Variants in SFXN4 observed in about 807,000 individuals in gnomAD.
SFXN4 encodes the protein sideroflexin-4.
A neutral mutation model predicts 54.6 loss-of-function variants in SFXN4; 48 were observed. That is an observed-to-expected ratio of 0.88 (90% confidence interval 0.70 to 1.12). The LOEUF (loss-of-function observed/expected upper bound fraction) is 1.12, where lower values mean the gene tolerates loss of function less well. SFXN4 is among the 50% of genes most tolerant of loss of function. SFXN4 has a pLI of 0.00. For missense variants in SFXN4, 383 were observed against 409.2 expected (o/e 0.94, Z 0.55); for synonymous variants, 130 against 145.5 (o/e 0.89, Z 0.77).
intron 12 of SFXN4, 111 bp from the exon 13 acceptor site, chr10:119,146,464 CGTGT>C (rs33947324): frequency 2.1e-6 from 1 of 486,526 alleles, no homozygotes; most frequent in Non-Finnish European, 3.7e-6. Flanking sequence ...TGTGTGTGCA[CGTGT>C]GTGTGTACCT....
chr10:119,162,517 C>T (rs979840363), intron 2 of SFXN4, 103 bp from the exon 3 acceptor site: 13 of 865,940 alleles, frequency 1.5e-5, no homozygotes, highest in East Asian at 1.0e-4. Context: ...CACTGGACTT[C>T]GACTGCATGC....
chr10:119,165,643 G>A lies in SFXN4; in HGVS notation c.5C>T (p.Ser2Phe), dbSNP rs1266034196. 1.3e-6 allele frequency: 2 copies of A among 1,586,130 alleles called. No homozygotes were observed. Among genetic ancestry groups the A allele is most frequent in the African/African-American group, 1.4e-5 (1 of 71,602 alleles). ...TTGCGTTTCCTCCTCCTGTTCCAGG[G>A]ACATTTTGCGCTGGTTAGAGTGGCC... M[S>F]LEQEEETQPG... Residue 2 changes from serine to phenylalanine, a missense_variant, in exon 1 of 14, where the codon TCC becomes TTC. Ser to Phe is a radical substitution (Grantham distance 155). Coordinates refer to ENST00000355697, the MANE Select transcript of SFXN4 (RefSeq NM_213649.2).
At chr10:119,155,382 T>G (rs1035074576) in intron 10 of SFXN4, among the ~76,000 whole-genome samples, 8 of 152,224 alleles carry the variant, frequency 5.3e-5, no homozygotes, top group African/African-American at 1.7e-4. Flanking sequence ...TGCTGGCCAC[T>G]CAGTCTTGGA....
chr10:119,158,103 TGGA>T, intron 6 of SFXN4, 41 bp from the exon 7 acceptor site: 3 of 1,593,034 alleles, frequency 1.9e-6, no homozygotes, highest in Non-Finnish European at 2.6e-6. Context: ...AGTGTTGCTG[TGGA>T]AGGAGAACTT....
Position 119,147,790 on chromosome 10 carries a change from G to C in SFXN4, c.803C>G (p.Thr268Ser). The C allele has an allele frequency of 6.2e-7, 1 of 1,613,964 alleles. No individual in the cohort carries two copies. Among genetic ancestry groups the C allele is most frequent in the Middle Eastern group, 1.6e-4 (1 of 6,062 alleles). ...TGTCTCTTACCTTTTAAAAAAGTAGGTGAAGACTTCAGGAATCAGAGCTGA... is the reference window on the plus strand; with the variant it reads ...TGTCTCTTACCTTTTAAAAAAGTAGCTGAAGACTTCAGGAATCAGAGCTGA... ...GTSALIPEVF[T>S]YFFKRTQYFR... The change falls in exon 12 of 14, where the codon ACC (threonine) becomes AGC (serine). Residue 268 changes from threonine (T) to serine (S), a missense_variant. Thr to Ser is a moderately conservative substitution (Grantham distance 58, BLOSUM62 1). Transcript: ENST00000355697.
Position 119,155,185 on chromosome 10 carries a change from T to C in SFXN4, c.617-8A>G. 6.3e-7 allele frequency: 1 copy of C among 1,591,118 alleles called. No individual in the cohort carries two copies. Among genetic ancestry groups the C allele is most frequent in the Non-Finnish European group, 8.6e-7 (1 of 1,159,194 alleles). On this transcript the variant is annotated splice_region_variant and splice_polypyrimidine_tract_variant and intron_variant, in intron 10 of 13. Transcript: ENST00000355697. ...TCATTCCACTGGCTTGCACTGTAGATGTAAAGAAGTAAAGAACACCCAAGA... is the reference window on the plus strand; with the variant it reads ...TCATTCCACTGGCTTGCACTGTAGACGTAAAGAAGTAAAGAACACCCAAGA...
intron 5 of SFXN4, among the ~76,000 whole-genome samples, chr10:119,160,033 G>A (rs1847456139): frequency 6.6e-6 from 1 of 151,950 alleles, no homozygotes; most frequent in Admixed American, 6.6e-5. Flanking sequence ...AAAATTTAAA[G>A]CCAGGTGTGG....
chr10:119,150,769 T>C (rs778215092), intron 11 of SFXN4, among the ~76,000 whole-genome samples: 5 of 152,154 alleles, frequency 3.3e-5, no homozygotes, highest in Non-Finnish European at 7.3e-5. Flanking sequence ...ACACCTTAAG[T>C]TCACATGGAG....
chr10:119,165,678 A>C lies in SFXN4; in HGVS notation c.-31T>G, dbSNP rs780298679. Reference sequence around the variant, plus strand: ...GCTGGTTAGAGTGGCCGCCGCCGCCAGGCCGCGCGTGGAGGAGGAGCCGGG... The same window carrying C: ...GCTGGTTAGAGTGGCCGCCGCCGCCCGGCCGCGCGTGGAGGAGGAGCCGGG... On this transcript the variant is annotated 5_prime_UTR_variant, in exon 1 of 14. Coordinates refer to ENST00000355697, the MANE Select transcript of SFXN4 (RefSeq NM_213649.2). 1.3e-6 allele frequency: 2 copies of C among 1,509,534 alleles called. No homozygotes were observed. The highest frequency in any genetic ancestry group is 1.2e-5 in the South Asian group (1 of 83,344). The allele number at this position is 1,509,534 out of a possible 1,614,324, so 93.5% of individuals were successfully genotyped here. A position where few individuals can be genotyped will look rare whatever the true frequency, so the allele number is the denominator to read the frequency against.
chr10:119,158,145 G>T (rs745737019), intron 6 of SFXN4, 83 bp from the exon 7 acceptor site: 85 of 1,322,148 alleles, frequency 6.4e-5, no homozygotes, highest in Non-Finnish European at 7.3e-5. Context: ...CCAGGGGAGA[G>T]GGAGAATTGA....
chr10:119,165,449 C>T, intron 1 of SFXN4, 88 bp downstream of exon 1: 2 of 1,387,050 alleles, frequency 1.4e-6, no homozygotes, highest in Non-Finnish European at 1.9e-6. Flanking sequence ...GCCCACGTGG[C>T]CTGGCCAAGG....
At chr10:119,156,605 T>C in intron 10 of SFXN4, 73 bp downstream of exon 10, 1 of 1,203,488 alleles carries the variant, frequency 8.3e-7, no homozygotes, top group Non-Finnish European at 1.2e-6. Context: ...CAGGTGCCTC[T>C]GGAGATGAAG....
chr10:119,164,124 T>C lies in SFXN4; in HGVS notation c.177+7A>G. 1 of 1,489,988 alleles carries C rather than the reference T, an allele frequency of 6.7e-7. No individual in the cohort carries two copies. The highest frequency in any genetic ancestry group is 9.1e-7 in the Non-Finnish European group (1 of 1,093,676). The allele number at this position is 1,489,988 out of a possible 1,614,324, so 92.3% of individuals were successfully genotyped here. On this transcript the variant is annotated splice_region_variant and intron_variant, in intron 2 of 13. Coordinates refer to ENST00000355697, the MANE Select transcript of SFXN4 (RefSeq NM_213649.2). Reference sequence around the variant, plus strand: ...TGAAATTCATTAGCTCTGAAAACAATACTTACAACTGAAATGAACACATTT... The same window carrying C: ...TGAAATTCATTAGCTCTGAAAACAACACTTACAACTGAAATGAACACATTT...
chr10:119,165,528 G>A lies in SFXN4; in HGVS notation c.111+9C>T, dbSNP rs747346264. 2 of 1,576,308 alleles carry A rather than the reference G, an allele frequency of 1.3e-6. No individual in the cohort carries two copies. The highest frequency in any genetic ancestry group is 1.1e-5 in the South Asian group (1 of 89,358). On this transcript the variant is annotated intron_variant, in intron 1 of 13. Transcript: ENST00000355697. ...CCCTGCCCCTAGTCGCGCCGGGCCC[G>A]GGCCGTACTTGGCGCTCGGTGATCC...
chr10:119,146,073 A>G (rs1339898630), intron 13 of SFXN4, among the ~76,000 whole-genome samples, 163 bp downstream of exon 13: 2 of 151,646 alleles, frequency 1.3e-5, no homozygotes, highest in African/African-American at 4.8e-5. Flanking sequence ...CAATCTTCCC[A>G]CCTTGGCCTC....
intron 13 of SFXN4, among the ~76,000 whole-genome samples, chr10:119,143,400 C>T (rs115212215): frequency 0.011 from 1,687 of 151,834 alleles, 41 homozygotes; most frequent in African/African-American, 0.039. Flanking sequence ...GGGTCTCACT[C>T]TGTGACCCCA....
intron 2 of SFXN4, among the ~76,000 whole-genome samples, chr10:119,163,897 G>A (rs542468629): frequency 4.6e-5 from 7 of 151,926 alleles, no homozygotes; most frequent in South Asian, 2.1e-4. Context: ...AAAATTAGCC[G>A]GGCATGGTGG....
At chr10:119,157,535 T>C in intron 9 of SFXN4, 133 bp downstream of exon 9, 1 of 679,930 alleles carries the variant, frequency 1.5e-6, no homozygotes, top group Non-Finnish European at 2.5e-6. Flanking sequence ...ATAATACAAT[T>C]ACAGGTGACT....
At chr10:119,151,238 G>A (rs1407848734) in intron 11 of SFXN4, among the ~76,000 whole-genome samples, 7 of 152,088 alleles carry the variant, frequency 4.6e-5, no homozygotes, top group South Asian at 2.1e-4. Context: ...GCGCAGTGGC[G>A]CATACCTATA....
Sources: gnomAD v4.1 joint callset for allele counts (sites outside exome capture counted in the v4.1 genomes callset) on GRCh38, gnomAD v4.1.1 for gene constraint, MANE v1.5 for transcripts, NCBI Gene and HGNC (gene_info 2026-07-23, HGNC 2026-07-21) for gene names.